The following BPIFB3 variants were observed in gnomAD, a reference collection of about 807,000 sequenced individuals.
The protein encoded by BPIFB3 is BPI fold-containing family B member 3.
Under a neutral mutation model 53.1 loss-of-function variants are expected in BPIFB3, and 49 were observed. That is an observed-to-expected ratio of 0.92 (90% CI 0.73 to 1.17). BPIFB3 has a LOEUF of 1.17. BPIFB3 is among the 50% of genes most tolerant of loss of function. The pLI, the probability that BPIFB3 is intolerant of heterozygous loss-of-function variation, is 0.00. For synonymous variants in BPIFB3, 271 were observed against 269.6 expected (o/e 1.01, Z -0.05); for missense variants, 628 against 592.5 (o/e 1.06, Z -0.62).
intron 2 of BPIFB3, among the ~76,000 whole-genome samples, chr20:33,057,013 C>T (rs1980238350): frequency 6.6e-6 from 1 of 152,114 alleles, no homozygotes; most frequent in Non-Finnish European, 1.5e-5. Flanking sequence ...GGTGTCCGCT[C>T]AAAAGAGGTG....
chr20:33,056,367 G>A (rs963364296), intron 1 of BPIFB3, among the ~76,000 whole-genome samples, 175 bp from the exon 3 acceptor site: 34 of 152,318 alleles, frequency 2.2e-4, no homozygotes, highest in African/African-American at 5.8e-4. Context: ...CAGGCCCTGC[G>A]GTGGGAGTAA....
chr20:33,059,074 A>G (rs904494499), intron 2 of BPIFB3, among the ~76,000 whole-genome samples: 2 of 151,954 alleles, frequency 1.3e-5, no homozygotes, highest in Non-Finnish European at 2.9e-5. Flanking sequence ...GTGAGGAAAA[A>G]CTTTAATTCC....
chr20:33,063,801 C>T (rs1378970642), intron 6 of BPIFB3, 126 bp downstream of exon 7: 6 of 950,618 alleles, frequency 6.3e-6, no homozygotes, highest in Non-Finnish European at 9.3e-6. Flanking sequence ...CCTCCTCACA[C>T]TGACAGGCTG....
At chr20:33,068,301 T>C (rs1160534241) in intron 9 of BPIFB3, among the ~76,000 whole-genome samples, 1 of 152,158 alleles carries the variant, frequency 6.6e-6, no homozygotes, top group Non-Finnish European at 1.5e-5. Flanking sequence ...CTTTTAGACA[T>C]GGTGCTTTGC....
chr20:33,069,857 G>T (rs769095231), intron 10 of BPIFB3, 31 bp from the exon 12 acceptor site: 1 of 1,613,490 alleles, frequency 6.2e-7, no homozygotes, highest in South Asian at 1.1e-5. Flanking sequence ...CTGCCGATTG[G>T]GGGTGACTTC....
intron 2 of BPIFB3, among the ~76,000 whole-genome samples, chr20:33,058,714 C>A (rs1264655721): frequency 6.6e-6 from 1 of 151,964 alleles, no homozygotes; most frequent in Non-Finnish European, 1.5e-5. Flanking sequence ...CAGCGAAGAT[C>A]CCATGGGCTC....
At chr20:33,069,896 T>G in exon 11 of BPIFB3, 1 of 1,614,226 alleles carries the variant, frequency 6.2e-7, no homozygotes, top group Non-Finnish European at 8.5e-7. Context: ...AGGTCATGAC[T>G]GTGCGTGCCC....
exon 5 of BPIFB3, chr20:33,061,796 G>A (rs148635670): frequency 1.5e-4 from 244 of 1,614,064 alleles, no homozygotes; most frequent in Non-Finnish European, 1.9e-4. Flanking sequence ...CTTTGGGGTC[G>A]TGGAACAGAT....
intron 10 of BPIFB3, among the ~76,000 whole-genome samples, 159 bp from the exon 12 acceptor site, chr20:33,069,729 G>C (rs1459985086): frequency 6.6e-6 from 1 of 152,190 alleles, no homozygotes; most frequent in Non-Finnish European, 1.5e-5. Flanking sequence ...CAAGAAAACA[G>C]CAAAACCTTC....
intron 5 of BPIFB3, among the ~76,000 whole-genome samples, chr20:33,062,991 T>A (rs1358897629): frequency 6.6e-6 from 1 of 152,222 alleles, no homozygotes; most frequent in African/African-American, 2.4e-5. Context: ...AGCTGGAGGA[T>A]GAAGGGGCTG....
intron 5 of BPIFB3, among the ~76,000 whole-genome samples, 162 bp downstream of exon 6, chr20:33,061,993 C>T (rs1185439579): frequency 3.3e-5 from 5 of 152,222 alleles, no homozygotes; most frequent in South Asian, 2.1e-4. Context: ...CTTCCTGGCG[C>T]GCCTGCTAGT....
At chr20:33,057,185 G>A (rs1980245595) in intron 2 of BPIFB3, among the ~76,000 whole-genome samples, 1 of 151,430 alleles carries the variant, frequency 6.6e-6, no homozygotes, top group Admixed American at 6.5e-5. Context: ...TGCTCAAAAA[G>A]CTTTTTTTTC....
chr20:33,070,473 A>T (rs540999546), intron 11 of BPIFB3, among the ~76,000 whole-genome samples: 2 of 152,302 alleles, frequency 1.3e-5, no homozygotes, highest in Non-Finnish European at 2.9e-5. Context: ...CACCATCTAC[A>T]TGCACAGTAC....
chr20:33,073,580 C>T (rs777030919), exon 15 of BPIFB3: 1 of 1,614,082 alleles, frequency 6.2e-7, no homozygotes, highest in South Asian at 1.1e-5. Context: ...TTACAGAATG[C>T]TGTTGTGCTG....
At chr20:33,061,966 C>G (rs1238089020) in intron 5 of BPIFB3, 135 bp downstream of exon 6, 39 of 1,056,408 alleles carry the variant, frequency 3.7e-5, no homozygotes, top group Non-Finnish European at 5.4e-5. Flanking sequence ...TAATCCCATC[C>G]GGGCCTGCTG....
intron 1 of BPIFB3, among the ~76,000 whole-genome samples, chr20:33,055,805 G>T (rs1307191007): frequency 2.6e-5 from 4 of 152,180 alleles, no homozygotes; most frequent in African/African-American, 9.7e-5. Context: ...GTGGCTCAGG[G>T]ACAGGGACAG....
chr20:33,073,254 T>A (rs1483476282), intron 14 of BPIFB3, among the ~76,000 whole-genome samples: 1 of 152,206 alleles, frequency 6.6e-6, no homozygotes, highest in Non-Finnish European at 1.5e-5. Context: ...GGTGGTGGAA[T>A]AGCTCTAGGA....
At chr20:33,062,885 C>T (rs1247674423) in intron 5 of BPIFB3, among the ~76,000 whole-genome samples, 1 of 152,170 alleles carries the variant, frequency 6.6e-6, no homozygotes, top group Admixed American at 6.5e-5. Flanking sequence ...CCCAGAAATC[C>T]TGGAGTTTGG....
chr20:33,060,576 C>CT lies in BPIFB3; in HGVS notation c.527+553dup, dbSNP rs111586900. On this transcript the variant is annotated intron_variant, in intron 4 of 14. Transcript: ENST00000375494. ...TCATCACTTTTTTCTTTTTCTTTTT[C>CT]TTTTTTTTCCTGAGGCAGAGTCTCA... 9.5e-3 allele frequency among the ~76,000 whole-genome samples: 1,447 copies of CT among 151,930 alleles called. 18 individuals are homozygous for CT. The highest frequency in any genetic ancestry group is 0.034 in the African/African-American group (1,391 of 41,398).
Sources: gnomAD v4.1 joint callset for allele counts (sites outside exome capture counted in the v4.1 genomes callset) on GRCh38, gnomAD v4.1.1 for gene constraint, MANE v1.5 for transcripts, NCBI Gene and HGNC (gene_info 2026-07-23, HGNC 2026-07-21) for gene names.